Variants in CLXN observed in about 807,000 individuals in gnomAD.
CLXN encodes calaxin.
chr8:48,731,300 T>A, the CLXN span: 1 of 1,524,010 alleles, frequency 6.6e-7, no homozygotes, highest in Middle Eastern at 1.8e-4. Flanking sequence ...CCCTTTTTTT[T>A]TCAGTTATGG....
the CLXN span, chr8:48,715,740 A>C: frequency 6.6e-6 from 1 of 152,222 alleles, no homozygotes; most frequent in Non-Finnish European, 1.5e-5. Context: ...CTTCACACCC[A>C]CCAATAGGTG....
chr8:48,715,504 G>A, the CLXN span: 1 of 152,196 alleles, frequency 6.6e-6, no homozygotes, highest in Admixed American at 6.5e-5. Flanking sequence ...GCAACAAAGG[G>A]GATCGTTTTG....
At chr8:48,714,457 A>C in the CLXN span, among the ~76,000 whole-genome samples, 1 of 152,208 alleles carries the variant, frequency 6.6e-6, no homozygotes, top group East Asian at 1.9e-4. Context: ...CGATCATCTT[A>C]AGCTGGATTA....
the CLXN span, among the ~76,000 whole-genome samples, chr8:48,732,640 G>T: frequency 1.3e-5 from 2 of 152,096 alleles, no homozygotes; most frequent in Non-Finnish European, 2.9e-5. Context: ...ATACTCAGAA[G>T]AACTGAAAGC....
At chr8:48,720,104 C>T in the CLXN span, among the ~76,000 whole-genome samples, 1 of 152,142 alleles carries the variant, frequency 6.6e-6, no homozygotes, top group African/African-American at 2.4e-5. Context: ...TCTTTGTAAG[C>T]TGAAGATGTA....
At chr8:48,718,231 G>C in the CLXN span, among the ~76,000 whole-genome samples, 5 of 152,214 alleles carry the variant, frequency 3.3e-5, no homozygotes, top group African/African-American at 1.2e-4. Context: ...ATTATCTTAA[G>C]ACAAAGGACT....
At chr8:48,712,480 TAAA>T in the CLXN span, 1 of 152,158 alleles carries the variant, frequency 6.6e-6, no homozygotes, top group African/African-American at 2.4e-5. Flanking sequence ...AAGAGGGAAG[TAAA>T]AATAAATGAG....
chr8:48,715,693 C>A, the CLXN span: 4 of 152,232 alleles, frequency 2.6e-5, no homozygotes, highest in African/African-American at 9.7e-5. Flanking sequence ...CAAGATGTAT[C>A]CACCTGGAGC....
chr8:48,714,730 TTTC>T, the CLXN span, among the ~76,000 whole-genome samples: 1 of 152,190 alleles, frequency 6.6e-6, no homozygotes, highest in South Asian at 2.1e-4. Flanking sequence ...GTTGGAAGCC[TTTC>T]CTGATGAATG....
At chr8:48,722,427 G>T in the CLXN span, among the ~76,000 whole-genome samples, 1 of 152,098 alleles carries the variant, frequency 6.6e-6, no homozygotes, top group Non-Finnish European at 1.5e-5. Context: ...CCACTTCTAG[G>T]TATACAACCA....
At chr8:48,716,272 G>A in the CLXN span, 2,752 of 153,020 alleles carry the variant, frequency 0.018, 85 homozygotes, top group African/African-American at 0.059. Flanking sequence ...CCAGCCGGCC[G>A]CTCCAAGTGC....
chr8:48,724,722 CA>C, the CLXN span: 1 of 1,587,532 alleles, frequency 6.3e-7, no homozygotes, highest in Non-Finnish European at 8.6e-7. Flanking sequence ...TCACTTGAGA[CA>C]ATATAGACAT....
At chr8:48,727,871 C>T in the CLXN span, among the ~76,000 whole-genome samples, 1 of 152,072 alleles carries the variant, frequency 6.6e-6, no homozygotes, top group African/African-American at 2.4e-5. Context: ...AGGCTATATT[C>T]AAGGACATAT....
chr8:48,730,476 G>T, the CLXN span: 1 of 1,126,218 alleles, frequency 8.9e-7, no homozygotes, highest in African/African-American at 1.6e-5. Context: ...GAAAGACACT[G>T]ATTTAAGTGC....
At chr8:48,727,980 T>C in the CLXN span, among the ~76,000 whole-genome samples, 3 of 152,166 alleles carry the variant, frequency 2.0e-5, 1 homozygote, top group Middle Eastern at 0.01. Flanking sequence ...CTTATTGAGA[T>C]AGGGAAGACT....
the CLXN span, chr8:48,735,133 G>A: frequency 1.2e-6 from 2 of 1,614,136 alleles, no homozygotes; most frequent in Admixed American, 1.7e-5. Context: ...GTCAGCTTCT[G>A]CAGTTTCTTG....
chr8:48,717,754 G>A, the CLXN span, among the ~76,000 whole-genome samples: 2 of 152,178 alleles, frequency 1.3e-5, no homozygotes, highest in Non-Finnish European at 1.5e-5. Context: ...AACACAAAAT[G>A]TGTGGGAGGA....
chr8:48,726,801 A>T, the CLXN span, among the ~76,000 whole-genome samples: 2 of 128,368 alleles, frequency 1.6e-5, no homozygotes, highest in South Asian at 5.2e-4. Flanking sequence ...AACCCAGTTC[A>T]TCATCCATCC....
chr8:48,729,370 A>T, the CLXN span, among the ~76,000 whole-genome samples: 1 of 151,950 alleles, frequency 6.6e-6, no homozygotes, highest in Non-Finnish European at 1.5e-5. Flanking sequence ...ATTAAAAAAA[A>T]AAATTAGCTG....
Sources: gnomAD v4.1 joint callset for allele counts (sites outside exome capture counted in the v4.1 genomes callset) on GRCh38, gnomAD v4.1.1 for gene constraint, MANE v1.5 for transcripts, NCBI Gene and HGNC (gene_info 2026-07-23, HGNC 2026-07-21) for gene names.